BIN2: variants seen among roughly 807,000 people sequenced by gnomAD.
BIN2 encodes the protein breast cancer associated protein BRAP1.
BIN2 carries 43 observed loss-of-function variants against 67.9 expected under a neutral mutation model. That is an observed-to-expected ratio of 0.63 (90% CI 0.50 to 0.82). The LOEUF (loss-of-function observed/expected upper bound fraction) is 0.82. BIN2 is among the 40% of genes least tolerant of loss of function. The probability of loss-of-function intolerance (pLI) is 0.00; values close to 1 mark genes in which losing one functional copy is unlikely to be tolerated. For synonymous variants in BIN2, 244 were observed against 246.8 expected, an observed-to-expected ratio of 0.99 and a Z score of 0.11; for missense variants, 581 against 671.6, an observed-to-expected ratio of 0.87 and a Z score of 1.49.
At chr12:51,305,748 T>C (rs773824988) in intron 2 of BIN2, among the ~76,000 whole-genome samples, 1 of 151,680 alleles carries the variant, frequency 6.6e-6, no homozygotes, top group Admixed American at 6.6e-5. Flanking sequence ...AAAATTTAGG[T>C]CTACTTGGTC....
chr12:51,297,186 A>C (rs1487772586), intron 7 of BIN2, 22 bp from the exon 8 acceptor site: 1 of 1,598,718 alleles, frequency 6.3e-7, no homozygotes, highest in Non-Finnish European at 8.6e-7. Context: ...CAAAACCACA[A>C]ACACATACGA....
chr12:51,296,986 G>C, intron 8 of BIN2, 103 bp downstream of exon 8: 1 of 1,068,834 alleles, frequency 9.4e-7, no homozygotes, highest in Non-Finnish European at 1.4e-6. Context: ...GCCAAAATCT[G>C]TGGTGCCAAT....
intron 2 of BIN2, 87 bp downstream of exon 2, chr12:51,313,736 A>C: frequency 8.1e-7 from 1 of 1,230,394 alleles, no homozygotes; most frequent in Admixed American, 1.7e-5. Context: ...GATGTTTGCC[A>C]GTTTGCAGAA....
At chr12:51,294,029 G>T (rs937635880) in intron 9 of BIN2, among the ~76,000 whole-genome samples, 2 of 152,298 alleles carry the variant, frequency 1.3e-5, no homozygotes, top group African/African-American at 4.8e-5. Flanking sequence ...AGGGACAAAT[G>T]TAAAACATGT....
At chr12:51,315,463 C>T (rs1592280913) in intron 1 of BIN2, among the ~76,000 whole-genome samples, 2 of 152,282 alleles carry the variant, frequency 1.3e-5, no homozygotes, top group Admixed American at 1.3e-4. Flanking sequence ...TGAGCCACTG[C>T]GCCCGGCCTG....
intron 9 of BIN2, among the ~76,000 whole-genome samples, chr12:51,294,264 T>A (rs76648963): frequency 3.3e-5 from 5 of 152,120 alleles, no homozygotes; most frequent in Non-Finnish European, 5.9e-5. Context: ...TCCATTTATA[T>A]AAAGTTTAAA....
chr12:51,317,045 T>C (rs926451467), intron 1 of BIN2, among the ~76,000 whole-genome samples: 1 of 151,946 alleles, frequency 6.6e-6, no homozygotes, highest in Non-Finnish European at 1.5e-5. Flanking sequence ...CCTGGCTAAT[T>C]TTGTATTTTT....
Position 51,313,928 on chromosome 12 carries a change from C to T in BIN2, c.82-25G>A, listed in dbSNP as rs375387147. 1.8e-5 allele frequency: 29 copies of T among 1,594,010 alleles called. No individual in the cohort carries two copies. The African/African-American group carries it at 2.3e-4, about 13-fold the overall frequency. On this transcript the variant is annotated intron_variant, in intron 1 of 12. Coordinates refer to ENST00000615107, the MANE Select transcript of BIN2 (RefSeq NM_016293.4). ...CCTAGGGATATAAGTCAGAAAGGCCCGTAAGGTTATAGTCAAGTCTCTCTT... is the reference window on the plus strand; with the variant it reads ...CCTAGGGATATAAGTCAGAAAGGCCTGTAAGGTTATAGTCAAGTCTCTCTT...
At chr12:51,289,790 C>T (rs982963702) in intron 10 of BIN2, among the ~76,000 whole-genome samples, 6 of 151,890 alleles carry the variant, frequency 4.0e-5, no homozygotes, top group Admixed American at 2.0e-4. Context: ...ACTGCAGCCT[C>T]GACCTCATAA....
In BIN2 at chr12:51,284,718, C is replaced by G. The variant is rs866046394; in HGVS notation, c.1666G>C (p.Glu556Gln). The G allele has an allele frequency of 2.5e-6, 4 of 1,607,776 alleles. No individual in the cohort carries two copies. The Middle Eastern group carries it at 6.6e-4, about 266-fold the overall frequency. Residue 556 changes from glutamate to glutamine, a missense_variant and splice_region_variant, in exon 12 of 13, where the codon GAG becomes CAG. Physicochemically the swap from Glu to Gln is conservative, Grantham distance 29 (BLOSUM62 2). Coordinates refer to ENST00000615107, the MANE Select transcript of BIN2 (RefSeq NM_016293.4). Reference sequence around the variant, plus strand: ...ATTCTCTGTATATCTGGTCTTACCTCTTCTTGAGGTTCAGGTGCTGTGAGG... The same window carrying G: ...ATTCTCTGTATATCTGGTCTTACCTGTTCTTGAGGTTCAGGTGCTGTGAGG... ...NNLTAPEPQEEVSTSENPQL is the reference protein window; with the variant it reads ...NNLTAPEPQEQVSTSENPQL
chr12:51,284,963 A>T (rs938029395), intron 11 of BIN2, among the ~76,000 whole-genome samples, 176 bp from the exon 12 acceptor site: 2 of 152,322 alleles, frequency 1.3e-5, no homozygotes, highest in Admixed American at 1.3e-4. Context: ...GCTTTCATCC[A>T]TCCTCTTTTA....
At chr12:51,285,311 G>T (rs928006427) in intron 11 of BIN2, among the ~76,000 whole-genome samples, 1 of 151,966 alleles carries the variant, frequency 6.6e-6, no homozygotes, top group African/African-American at 2.4e-5. Flanking sequence ...CACGTGCAGG[G>T]GTGCACACCT....
intron 11 of BIN2, among the ~76,000 whole-genome samples, chr12:51,285,941 C>T (rs1197820074): frequency 6.6e-6 from 1 of 152,136 alleles, no homozygotes; most frequent in Non-Finnish European, 1.5e-5. Flanking sequence ...AGTGTGATAG[C>T]CACTTGAAAT....
intron 2 of BIN2, among the ~76,000 whole-genome samples, chr12:51,305,048 A>T (rs1463641453): frequency 6.6e-6 from 1 of 151,362 alleles, no homozygotes; most frequent in Non-Finnish European, 1.5e-5. Context: ...AGTATAAAAA[A>T]GTATGGGGCC....
intron 10 of BIN2, 130 bp downstream of exon 10, chr12:51,291,461 T>G: frequency 2.2e-6 from 2 of 891,452 alleles, no homozygotes; most frequent in Non-Finnish European, 3.3e-6. Context: ...GAGGATCACT[T>G]GAGCTTGAGA....
At chr12:51,315,911 C>A (rs965032860) in intron 1 of BIN2, among the ~76,000 whole-genome samples, 2 of 152,142 alleles carry the variant, frequency 1.3e-5, no homozygotes, top group African/African-American at 4.8e-5. Context: ...TAAGAAAGCC[C>A]TGAGTCTTCT....
chr12:51,291,580 A>G lies in BIN2; in HGVS notation c.1515+11T>C, dbSNP rs1486005494. 15 of 1,577,256 alleles carry G rather than the reference A, an allele frequency of 9.5e-6. No individual in the cohort carries two copies. The highest frequency in any genetic ancestry group is 1.4e-5 in the African/African-American group (1 of 72,752). On this transcript the variant is annotated intron_variant, in intron 10 of 12. Transcript: ENST00000615107. ...TAATTAAATTAAATACCCAACCAGA[A>G]CTACTCTTACCTGAGATGTCATTAA...
At chr12:51,310,276 T>C (rs1343214959) in intron 2 of BIN2, among the ~76,000 whole-genome samples, 2 of 152,148 alleles carry the variant, frequency 1.3e-5, no homozygotes, top group Non-Finnish European at 2.9e-5. Flanking sequence ...AAATATACAC[T>C]GTAGGAAATT....
In BIN2 at chr12:51,288,183, A is replaced by C. The variant is rs554520026; in HGVS notation, c.1521T>G (p.Ala507=). The change falls in exon 11 of 13, where the codon GCT becomes GCG. Residue 507 remains alanine (A), a synonymous_variant. Transcript: ENST00000615107. The part of the protein sequence containing the change: ...TSPTLMTSQV[A]SEPGEAKKME... ...TCTTCTTTGCCTCTCCAGGCTCTGA[A>C]GCAACCTGTGAATCAAAGTGAACAA... 6.2e-7 allele frequency: 1 copy of C among 1,613,770 alleles called. No individual in the cohort carries two copies. The highest frequency in any genetic ancestry group is 1.3e-5 in the African/African-American group (1 of 75,026).
Sources: allele counts gnomAD v4.1 joint callset (sites outside exome capture counted in the v4.1 genomes callset), GRCh38; gene constraint gnomAD v4.1.1; transcripts MANE v1.5; gene names NCBI Gene and HGNC (gene_info 2026-07-23, HGNC 2026-07-21).